The following HAAO variants were observed in gnomAD, a reference collection of about 807,000 sequenced individuals.
The protein encoded by HAAO is 3-hydroxyanthranilate oxygenase.
HAAO carries 49 observed loss-of-function variants against 46.2 expected under a neutral mutation model. The ratio of observed to expected loss-of-function variants is 1.06; its 90% CI spans 0.84 to 1.34. The LOEUF is 1.34. Among genes scored for constraint, HAAO ranks in the 40% most tolerant of loss-of-function variants. The pLI is 0.00. For synonymous variants in HAAO, 157 were observed against 145.2 expected, an observed-to-expected ratio of 1.08 and a Z score of -0.58; for missense variants, 408 against 364.5, an observed-to-expected ratio of 1.12 and a Z score of -0.97.
Position 42,767,484 on chromosome 2 carries a change from C to T in HAAO, c.814G>A (p.Ala272Thr), listed in dbSNP as rs1460644454. 5.6e-6 allele frequency: 9 copies of T among 1,613,072 alleles called. No individual in the cohort carries two copies. In the East Asian group the frequency reaches 1.1e-4, roughly 20 times the overall value. ...GCAGGGTCCTGGGTCACAGACAGGGCCACAGAGCCTTGTGTTCGCTCCCAG... is the reference window on the plus strand; with the variant it reads ...GCAGGGTCCTGGGTCACAGACAGGGTCACAGAGCCTTGTGTTCGCTCCCAG... ...YAWERTQGSV[A>T]LSVTQDPACK... Residue 272 changes from alanine to threonine, a missense_variant, in exon 10 of 10, where the codon GCC becomes ACC. Physicochemically the swap from Ala to Thr is moderately conservative, Grantham distance 58 (BLOSUM62 0). Transcript: ENST00000294973.
Position 42,767,583 on chromosome 2 carries a change from C to T in HAAO, c.782+12G>A, listed in dbSNP as rs763843604. ...CTGAGGATCCCAGGGAAAGCCCTCC[C>T]TGCGTACTCACGAGGTCCCAGCTAG... On this transcript the variant is annotated intron_variant, in intron 9 of 9. Coordinates refer to ENST00000294973, the MANE Select transcript of HAAO (RefSeq NM_012205.3). 10 of 1,581,062 alleles carry T rather than the reference C, an allele frequency of 6.3e-6. No individual in the cohort carries two copies. The East Asian group carries it at 1.8e-4, about 29-fold the overall frequency.
intron 4 of HAAO, among the ~76,000 whole-genome samples, chr2:42,780,195 G>A (rs1300906914): frequency 6.7e-6 from 1 of 148,978 alleles, no homozygotes; most frequent in African/African-American, 2.5e-5. Flanking sequence ...TAGAACACAG[G>A]TGTTCTTTTT....
chr2:42,773,583 ATTTTTT>A (rs58425059), intron 4 of HAAO, among the ~76,000 whole-genome samples: 2 of 123,096 alleles, frequency 1.6e-5, no homozygotes, highest in Admixed American at 1.7e-4. Context: ...CCTACCCCCT[ATTTTTT>A]TTTTTTTTTT....
chr2:42,770,352 T>G, intron 5 of HAAO, 141 bp downstream of exon 5: 2 of 873,198 alleles, frequency 2.3e-6, no homozygotes, highest in Non-Finnish European at 3.6e-6. Context: ...GCGGGGCTGC[T>G]GCTCCCCCCT....
At chr2:42,771,106 G>A (rs949683317) in intron 4 of HAAO, among the ~76,000 whole-genome samples, 7 of 152,206 alleles carry the variant, frequency 4.6e-5, no homozygotes, top group African/African-American at 1.7e-4. Flanking sequence ...GCCGGGCGCA[G>A]TGGCTCACGC....
chr2:42,788,486 C>T (rs772930775), intron 2 of HAAO, 43 bp downstream of exon 2: 4 of 1,277,162 alleles, frequency 3.1e-6, no homozygotes, highest in Non-Finnish European at 3.4e-6. Flanking sequence ...GGGCCAGGCT[C>T]CTTGCCCGCA....
At chr2:42,775,246 GAAAAAAA>G (rs34025268) in intron 4 of HAAO, among the ~76,000 whole-genome samples, 3 of 69,186 alleles carry the variant, frequency 4.3e-5, no homozygotes, top group African/African-American at 1.2e-4. Flanking sequence ...GACTGTCATG[GAAAAAAA>G]AAAAAAAAAA....
rs1558680405 is a variant in HAAO, at chr2:42,792,493, CG to C, written c.43del (p.Arg15GlyfsTer99). ...GCAGACCGGGGGCTGGAAGGAGCCC[CG>C]GTTCTCCTTCACCCAGGCCCTCACT... ...LGVRAWVKEN[R>X]GSFQPPVCNK... On this transcript the variant is annotated frameshift_variant, in exon 1 of 10. Coordinates refer to ENST00000294973, the MANE Select transcript of HAAO (RefSeq NM_012205.3). LOFTEE classifies it high-confidence loss of function. 2.5e-6 allele frequency: 4 copies of C among 1,592,690 alleles called. No homozygotes were observed. Among genetic ancestry groups the C allele is most frequent in the Admixed American group, 1.7e-5 (1 of 57,652 alleles).
At chr2:42,767,703 A>G in intron 8 of HAAO, 26 bp from the exon 9 acceptor site, 1 of 1,566,264 alleles carries the variant, frequency 6.4e-7, no homozygotes, top group Non-Finnish European at 8.7e-7. Flanking sequence ...AGGAGAATCA[A>G]ATGGAGACTG....
rs368372095 is a variant in HAAO at position 42,792,537 on chromosome 2, G to A, written c.-1C>T. On this transcript the variant is annotated 5_prime_UTR_variant, in exon 1 of 10. Coordinates refer to ENST00000294973, the MANE Select transcript of HAAO (RefSeq NM_012205.3). Reference sequence around the variant, plus strand: ...CCCTCACTCCCAGGCGGCGCTCCATGACTGTCCCGGGCGCCTCCTCGCAGC... The same window carrying A: ...CCCTCACTCCCAGGCGGCGCTCCATAACTGTCCCGGGCGCCTCCTCGCAGC... The A allele has an allele frequency of 6.4e-7, 1 of 1,572,384 alleles. No homozygotes were observed. Among genetic ancestry groups the A allele is most frequent in the African/African-American group, 1.4e-5 (1 of 71,712 alleles).
chr2:42,788,073 C>G (rs1672517708), intron 2 of HAAO, among the ~76,000 whole-genome samples: 1 of 152,204 alleles, frequency 6.6e-6, no homozygotes, highest in Non-Finnish European at 1.5e-5. Flanking sequence ...CCTCCTCCCT[C>G]AGCCCCTCGA....
At chr2:42,771,109 G>A (rs1017760478) in intron 4 of HAAO, among the ~76,000 whole-genome samples, 1 of 152,174 alleles carries the variant, frequency 6.6e-6, no homozygotes, top group African/African-American at 2.4e-5. Context: ...GGGCGCAGTG[G>A]CTCACGCCTG....
intron 4 of HAAO, chr2:42,783,076 C>A (rs1218687396): frequency 3.6e-6 from 2 of 562,722 alleles, no homozygotes; most frequent in Non-Finnish European, 6.4e-6. Context: ...AGCCAAAGTT[C>A]ATCAGGCTGA....
rs767371663 is a variant in HAAO at position 42,783,790 on chromosome 2, C to T, written c.237G>A (p.Gln79=). 3 of 1,612,048 alleles carry T rather than the reference C, an allele frequency of 1.9e-6. No homozygotes were observed. In the South Asian group the frequency reaches 3.3e-5, roughly 18 times the overall value. Residue 79 remains glutamine, a synonymous_variant, in exon 3 of 10, where the codon CAG becomes CAA. Coordinates refer to ENST00000294973, the MANE Select transcript of HAAO (RefSeq NM_012205.3). ...QGKHRDVVIR[Q]GEIFLLPARV... is the part of the protein sequence containing the mutation. ...TGCTGGGATCCGGCCTCACCTCTCC[C>T]TGCCGAATGACCACATCCCGGTGTT...
intron 4 of HAAO, among the ~76,000 whole-genome samples, chr2:42,774,360 G>A (rs556069078): frequency 1.2e-4 from 18 of 152,328 alleles, no homozygotes; most frequent in African/African-American, 2.6e-4. Context: ...TGGTACCCGC[G>A]TGAGCTAACT....
chr2:42,782,870 G>A, intron 4 of HAAO: 1 of 461,122 alleles, frequency 2.2e-6, no homozygotes, highest in Non-Finnish European at 4.4e-6. Context: ...ATATTGATCG[G>A]TGTCTCATGT....
At chr2:42,782,967 C>T (rs999789236) in intron 4 of HAAO, 12 of 428,894 alleles carry the variant, frequency 2.8e-5, no homozygotes, top group African/African-American at 8.4e-5. Flanking sequence ...CACGGGCACA[C>T]GTCCTCAACC....
rs371208214 is a variant in HAAO at position 42,769,786 on chromosome 2, C to T, written c.557G>A (p.Trp186Ter). ...SIMEPMSLDA[W>*]LDSHHRELQA... ...CAGCTCCCTGTGGTGGCTGTCCAGCCAGGCATCCAGGGACATGGGCTCCAT... is the reference window on the plus strand; with the variant it reads ...CAGCTCCCTGTGGTGGCTGTCCAGCTAGGCATCCAGGGACATGGGCTCCAT... Residue 186 changes from tryptophan to a stop codon, truncating the protein, a stop_gained, in exon 7 of 10, where the codon TGG becomes TAG. Coordinates refer to ENST00000294973, the MANE Select transcript of HAAO (RefSeq NM_012205.3). LOFTEE classifies it high-confidence loss of function. 6.8e-6 allele frequency: 11 copies of T among 1,613,888 alleles called. No individual in the cohort carries two copies. Among genetic ancestry groups the T allele is most frequent in the East Asian group, 2.2e-5 (1 of 44,888 alleles).
chr2:42,781,044 T>A (rs1671957668), intron 4 of HAAO, among the ~76,000 whole-genome samples: 1 of 152,014 alleles, frequency 6.6e-6, no homozygotes, highest in East Asian at 1.9e-4. Flanking sequence ...GCCACTGCAC[T>A]CCAGCCTGGG....
Sources: allele counts gnomAD v4.1 joint callset (sites outside exome capture counted in the v4.1 genomes callset), GRCh38; gene constraint gnomAD v4.1.1; transcripts MANE v1.5; gene names NCBI Gene and HGNC (gene_info 2026-07-23, HGNC 2026-07-21).